Variants in FCRL3 observed in about 807,000 individuals in gnomAD.
The protein encoded by FCRL3 is Fc receptor like 3.
FCRL3 carries 89 observed loss-of-function variants against 75.0 expected under a neutral mutation model. The ratio of observed to expected loss-of-function variants is 1.19; its 90% CI spans 1.00 to 1.42. The LOEUF (loss-of-function observed/expected upper bound fraction) is 1.42, where lower values mean the gene tolerates loss of function less well. FCRL3 is among the 40% of genes most tolerant of loss of function. The probability of loss-of-function intolerance (pLI) is 0.00; values close to 1 mark genes in which losing one functional copy is unlikely to be tolerated. For missense variants in FCRL3, 946 were observed against 880.0 expected (o/e 1.07, Z -0.95); for synonymous variants, 376 against 348.5 (o/e 1.08, Z -0.88).
At chr1:157,681,684 A>G (rs1654860270) in intron 11 of FCRL3, among the ~76,000 whole-genome samples, 2 of 152,216 alleles carry the variant, frequency 1.3e-5, no homozygotes, top group South Asian at 4.2e-4. Flanking sequence ...GCTATTGTGA[A>G]TAGTGCCACA....
At chr1:157,681,284 C>T (rs998349034) in intron 11 of FCRL3, among the ~76,000 whole-genome samples, 185 bp from the exon 12 acceptor site, 3 of 151,382 alleles carry the variant, frequency 2.0e-5, no homozygotes, top group African/African-American at 7.3e-5. Context: ...GGTACATCTG[C>T]ACAATGTGCA....
intron 11 of FCRL3, among the ~76,000 whole-genome samples, chr1:157,682,771 T>C (rs1426957893): frequency 6.6e-6 from 1 of 152,254 alleles, no homozygotes; most frequent in African/African-American, 2.4e-5. Context: ...TCCTGCAAGA[T>C]GCCATGCGAG....
chr1:157,676,567 T>G lies in FCRL3; in HGVS notation c.*2143A>C. On this transcript the variant is annotated 3_prime_UTR_variant, in exon 15 of 15. Coordinates refer to ENST00000368184, the MANE Select transcript of FCRL3 (RefSeq NM_052939.4). ...TGGGCTATGGGTTTTTAGTTGTGAA[T>G]TCAAAGATAAAAGTCAAGTAGAGCA... is the stretch of plus-strand genomic sequence containing the variant. 1 of 729,312 alleles carries G rather than the reference T, an allele frequency of 1.4e-6. No homozygotes were observed. The highest frequency in any genetic ancestry group is 2.5e-5 in the South Asian group (1 of 39,372). 45.2% of individuals were successfully genotyped at this position (729,312 alleles called of 1,614,324 possible).
intron 11 of FCRL3, among the ~76,000 whole-genome samples, chr1:157,681,446 T>C (rs1654842727): frequency 1.6e-5 from 2 of 127,638 alleles, no homozygotes; most frequent in South Asian, 5.6e-4. Context: ...CCTGTGTCCA[T>C]GTGTTCTCAT....
At chr1:157,689,673 G>A (rs573507371) in intron 10 of FCRL3, 125 bp downstream of exon 10, 2 of 1,250,386 alleles carry the variant, frequency 1.6e-6, no homozygotes, top group Admixed American at 2.4e-5. Context: ...GAGTGACAGT[G>A]AGTAGTGGAA....
In FCRL3 at chr1:157,677,972, G is replaced by T. The variant is rs1240842690; in HGVS notation, c.*738C>A. The T allele has an allele frequency of 2.0e-6, 2 of 985,094 alleles. No individual in the cohort carries two copies. The highest frequency in any genetic ancestry group is 2.4e-6 in the Non-Finnish European group (2 of 829,842). 61.0% of individuals were successfully genotyped at this position (985,094 alleles called of 1,614,324 possible). On this transcript the variant is annotated 3_prime_UTR_variant, in exon 15 of 15. Coordinates refer to ENST00000368184, the MANE Select transcript of FCRL3 (RefSeq NM_052939.4). ...AATGGGTGCTTATAAGAATAAAACT[G>T]ACTGACTAGAAATCTATCATGTATG...
Position 157,696,087 on chromosome 1 carries a change from T to C in FCRL3, c.1085A>G (p.Asn362Ser), listed in dbSNP as rs1571214694. ...DAGRYYCAAD[N>S]VHSPILSTWI... ...CGTGCTGAGGATGGGGCTGTGAACGTTATCAGCTGCACAGTAGTATCTCCC... is the reference window on the plus strand; with the variant it reads ...CGTGCTGAGGATGGGGCTGTGAACGCTATCAGCTGCACAGTAGTATCTCCC... Residue 362 changes from asparagine (N) to serine (S), a missense_variant, in exon 7 of 15, where the codon AAC becomes AGC. Transcript: ENST00000368184. The C allele has an allele frequency of 3.7e-6, 6 of 1,613,448 alleles. No homozygotes were observed. In the East Asian group the frequency reaches 1.3e-4, roughly 36 times the overall value.
At chr1:157,693,685 C>G (rs1001395691) in intron 8 of FCRL3, among the ~76,000 whole-genome samples, 2 of 151,306 alleles carry the variant, frequency 1.3e-5, no homozygotes, top group Non-Finnish European at 2.9e-5. Context: ...TTTTCTTTCT[C>G]TCCTTCCTTC....
intron 8 of FCRL3, 117 bp downstream of exon 8, chr1:157,695,212 C>G (rs1484941828): frequency 1.2e-5 from 13 of 1,062,322 alleles, no homozygotes; most frequent in Non-Finnish European, 1.8e-5. Flanking sequence ...CAGGTGGAGT[C>G]AGAAAGAGTG....
At chr1:157,695,050 T>G (rs570718418) in intron 8 of FCRL3, among the ~76,000 whole-genome samples, 1 of 152,194 alleles carries the variant, frequency 6.6e-6, no homozygotes, top group Non-Finnish European at 1.5e-5. Flanking sequence ...ACCCATCACG[T>G]GTTTGGTATT....
At chr1:157,699,592 T>C (rs1260005576) in intron 3 of FCRL3, 100 bp downstream of exon 3, 4 of 1,258,902 alleles carry the variant, frequency 3.2e-6, no homozygotes, top group South Asian at 1.3e-5. Flanking sequence ...AGCATTAGCA[T>C]TGCTGATGGG....
At chr1:157,698,738 C>G (rs1331176132) in intron 3 of FCRL3, 109 bp from the exon 4 acceptor site, 13 of 1,154,954 alleles carry the variant, frequency 1.1e-5, no homozygotes, top group Non-Finnish European at 1.6e-5. Context: ...AATTTCCAGT[C>G]AGGACCAGGG....
At position 157,683,193 on chromosome 1, in the gene FCRL3, C is replaced by G. The variant is rs746446767; in HGVS notation, c.1838+24G>C. 3 of 1,605,322 alleles carry G rather than the reference C, an allele frequency of 1.9e-6. No individual in the cohort carries two copies. The African/African-American group carries it at 4.0e-5, about 22-fold the overall frequency. On this transcript the variant is annotated intron_variant, in intron 11 of 14. Transcript: ENST00000368184. ...TATAAATAAATCATGAAAATGTTGG[C>G]AGCACAAGAAGCAGAGACCTCACCT...
chr1:157,695,563 G>A lies in FCRL3; in HGVS notation c.1177C>T (p.His393Tyr), dbSNP rs557843200. The A allele has an allele frequency of 1.9e-5, 30 of 1,613,886 alleles. No homozygotes were observed. The South Asian group carries it at 2.9e-4, about 15-fold the overall frequency. Residue 393 changes from histidine (H) to tyrosine (Y), a missense_variant, in exon 8 of 15, where the codon CAC becomes TAC. Coordinates refer to ENST00000368184, the MANE Select transcript of FCRL3 (RefSeq NM_052939.4). ...PVLTFRAPRA[H>Y]TVVGDLLELH... is the part of the protein sequence containing the mutation. ...TCCAGCAGGTCCCCCACCACAGTGT[G>A]GGCCCTGGGAGCCCTGAAGGTGAGG...
Position 157,676,676 on chromosome 1 carries a change from C to G in FCRL3, c.*2034G>C, listed in dbSNP as rs1291365652. ...TCCGAGATGTACAGTTAGGACTCAC[C>G]CCTTCTTCCACTCACATACTCTGAT... On this transcript the variant is annotated 3_prime_UTR_variant, in exon 15 of 15. Transcript: ENST00000368184. 18 of 1,533,090 alleles carry G rather than the reference C, an allele frequency of 1.2e-5. No individual in the cohort carries two copies. Among genetic ancestry groups the G allele is most frequent in the Non-Finnish European group, 1.6e-5 (18 of 1,131,354 alleles). The allele number at this position is 1,533,090 out of a possible 1,614,324, so 95.0% of individuals were successfully genotyped here. A position where few individuals can be genotyped will look rare whatever the true frequency, so the allele number is the denominator to read the frequency against.
intron 5 of FCRL3, 22 bp downstream of exon 5, chr1:157,697,637 T>A (rs745667369): frequency 1.2e-6 from 2 of 1,602,244 alleles, no homozygotes; most frequent in Admixed American, 3.4e-5. Flanking sequence ...AACCCAGTAA[T>A]CCACAGGAAT....
Position 157,695,317 on chromosome 1 carries a change from T to C in FCRL3, c.1411+12A>G, listed in dbSNP as rs1276626269. On this transcript the variant is annotated intron_variant, in intron 8 of 14. Transcript: ENST00000368184. ...TATTGGCTGTTAACTGCTGTGGGTATATCTTGCTTACCTGTGACCCTGAGA... is the reference window on the plus strand; with the variant it reads ...TATTGGCTGTTAACTGCTGTGGGTACATCTTGCTTACCTGTGACCCTGAGA... 1 of 1,609,236 alleles carries C rather than the reference T, an allele frequency of 6.2e-7. No individual in the cohort carries two copies. Among genetic ancestry groups the C allele is most frequent in the South Asian group, 1.1e-5 (1 of 90,222 alleles).
Position 157,700,740 on chromosome 1 carries a change from G to A in FCRL3, c.-175C>T. On this transcript the variant is annotated 5_prime_UTR_variant, in exon 1 of 15. Coordinates refer to ENST00000368184, the MANE Select transcript of FCRL3 (RefSeq NM_052939.4). ...TGGGGCTCATCTTCCATCAGCTGCA[G>A]TCTCTCAGGAGTAATGTCTCCAAGA... is the stretch of plus-strand genomic sequence containing the variant. The A allele has an allele frequency of 7.1e-7, 1 of 1,399,432 alleles. No homozygotes were observed. The highest frequency in any genetic ancestry group is 9.3e-7 in the Non-Finnish European group (1 of 1,075,468). The allele number at this position is 1,399,432 out of a possible 1,614,324, so 86.7% of individuals were successfully genotyped here.
intron 3 of FCRL3, 104 bp from the exon 4 acceptor site, chr1:157,698,733 C>T (rs1455971846): frequency 1.7e-6 from 2 of 1,157,072 alleles, no homozygotes; most frequent in Non-Finnish European, 2.5e-6. Context: ...GGACTAATTT[C>T]CAGTCAGGAC....
Sources: allele counts gnomAD v4.1 joint callset (sites outside exome capture counted in the v4.1 genomes callset), GRCh38; gene constraint gnomAD v4.1.1; transcripts MANE v1.5; gene names NCBI Gene and HGNC (gene_info 2026-07-23, HGNC 2026-07-21).